CDH4: variants seen among roughly 807,000 people sequenced by gnomAD.
The protein encoded by CDH4 is cadherin-4.
In CDH4, 33 loss-of-function variants were observed where a neutral mutation model predicts 86.0. The ratio of observed to expected loss-of-function variants is 0.38; its 90% CI spans 0.29 to 0.51. The LOEUF is 0.51. CDH4 is among the 20% of genes least tolerant of loss of function. CDH4 has a pLI of 0.86. For missense variants in CDH4, 1,114 were observed against 1,307.4 expected, an observed-to-expected ratio of 0.85 and a Z score of 2.28; for synonymous variants, 555 against 549.4, an observed-to-expected ratio of 1.01 and a Z score of -0.14.
chr20:61,773,291 T>G, intron 4 of CDH4, 109 bp downstream of exon 4: 3 of 1,106,854 alleles, frequency 2.7e-6, no homozygotes, highest in South Asian at 1.7e-5. Flanking sequence ...TCTGAGAAGG[T>G]CGCGATTTCA....
At position 61,857,623 on chromosome 20, in the gene CDH4, G is replaced by A. The variant is rs530050098; in HGVS notation, c.877+4725G>A. ...CGTCCACCCAAGCTTCGCCACTTTC[G>A]TCTGCTGCGTTGGGCTTCCCGATGG... On this transcript the variant is annotated intron_variant, in intron 6 of 15. Coordinates refer to ENST00000614565, the MANE Select transcript of CDH4 (RefSeq NM_001794.5). Among the ~76,000 whole-genome samples, 4 of 152,384 alleles carry A rather than the reference G, an allele frequency of 2.6e-5. No individual in the cohort carries two copies. The South Asian group carries it at 6.2e-4, about 24-fold the overall frequency.
At chr20:61,618,354 C>T (rs1328215219) in intron 2 of CDH4, among the ~76,000 whole-genome samples, 2 of 152,056 alleles carry the variant, frequency 1.3e-5, no homozygotes, top group Non-Finnish European at 2.9e-5. Flanking sequence ...CTCTGGGGTC[C>T]CCTTGGCTGA....
chr20:61,556,224 G>A (rs2086176474), intron 2 of CDH4, among the ~76,000 whole-genome samples: 1 of 151,780 alleles, frequency 6.6e-6, no homozygotes. Flanking sequence ...TATCCACCCA[G>A]GGCCAGGATG....
chr20:61,403,980 T>C (rs953073437), intron 2 of CDH4, among the ~76,000 whole-genome samples: 1 of 152,176 alleles, frequency 6.6e-6, no homozygotes, highest in East Asian at 1.9e-4. Context: ...TTAATTATAT[T>C]TTATTGAAGT....
At chr20:61,771,239 ACCTCAGGT>A (rs2088772997) in intron 3 of CDH4, among the ~76,000 whole-genome samples, 1 of 150,892 alleles carries the variant, frequency 6.6e-6, no homozygotes, top group Admixed American at 6.6e-5. Flanking sequence ...CGAACTCCTG[ACCTCAGGT>A]GATCCAGCTG....
chr20:61,828,167 TC>T (rs1409680526), intron 4 of CDH4, among the ~76,000 whole-genome samples: 2 of 152,094 alleles, frequency 1.3e-5, no homozygotes, highest in African/African-American at 4.8e-5. Flanking sequence ...TAGACAATGA[TC>T]ATTAGTGGCT....
At chr20:61,707,994 G>A (rs982348172) in intron 2 of CDH4, among the ~76,000 whole-genome samples, 28 of 152,198 alleles carry the variant, frequency 1.8e-4, no homozygotes, top group African/African-American at 6.5e-4. Flanking sequence ...ACCAGGCTTT[G>A]GAGGGAGAGA....
chr20:61,665,505 C>G (rs1213415905), intron 2 of CDH4, among the ~76,000 whole-genome samples: 2 of 152,228 alleles, frequency 1.3e-5, no homozygotes, highest in Admixed American at 6.5e-5. Context: ...AGAGTGCCTT[C>G]TTTCCCTGGG....
At chr20:61,608,770 C>T (rs2086663179) in intron 2 of CDH4, among the ~76,000 whole-genome samples, 1 of 152,180 alleles carries the variant, frequency 6.6e-6, no homozygotes, top group South Asian at 2.1e-4. Flanking sequence ...GTCACTGCCA[C>T]GGGTATCTGG....
intron 2 of CDH4, among the ~76,000 whole-genome samples, chr20:61,528,950 A>G: frequency 6.6e-6 from 1 of 151,238 alleles, no homozygotes; most frequent in East Asian, 1.9e-4. Context: ...GGAATTAGAC[A>G]TTTTAGAAAG....
chr20:61,534,109 C>CT (rs2085976151), intron 2 of CDH4, among the ~76,000 whole-genome samples: 1 of 152,220 alleles, frequency 6.6e-6, no homozygotes, highest in Middle Eastern at 3.2e-3. Flanking sequence ...TAATCTCACA[C>CT]TTGAATATCA....
At chr20:61,267,959 G>A (rs1189968622) in intron 2 of CDH4, among the ~76,000 whole-genome samples, 1 of 152,254 alleles carries the variant, frequency 6.6e-6, no homozygotes, top group Non-Finnish European at 1.5e-5. Context: ...AGCGGCTGCT[G>A]AGTCTGGCTT....
At chr20:61,723,387 G>GCAGCTGCC (rs1568778369) in intron 2 of CDH4, among the ~76,000 whole-genome samples, 3 of 152,180 alleles carry the variant, frequency 2.0e-5, no homozygotes, top group African/African-American at 4.8e-5. Flanking sequence ...GGCAAGCAGT[G>GCAGCTGCC]CAGCTGCCGT....
intron 4 of CDH4, among the ~76,000 whole-genome samples, chr20:61,786,337 G>A (rs1019107928): frequency 6.6e-6 from 1 of 152,080 alleles, no homozygotes; most frequent in Non-Finnish European, 1.5e-5. Flanking sequence ...AGATGAACAC[G>A]ATCGCCCTGC....
At chr20:61,826,466 C>G (rs951162037) in intron 4 of CDH4, among the ~76,000 whole-genome samples, 10 of 152,330 alleles carry the variant, frequency 6.6e-5, no homozygotes, top group Admixed American at 2.6e-4. Flanking sequence ...TGCTGATGCC[C>G]TTATGGAAAA....
chr20:61,679,283 T>A (rs1017273775), intron 2 of CDH4, among the ~76,000 whole-genome samples: 1 of 152,210 alleles, frequency 6.6e-6, no homozygotes, highest in African/African-American at 2.4e-5. Flanking sequence ...TCCAGCTTTT[T>A]TGCAGCATAG....
intron 4 of CDH4, among the ~76,000 whole-genome samples, chr20:61,805,990 G>A (rs1298565298): frequency 2.6e-5 from 4 of 152,238 alleles, no homozygotes; most frequent in Admixed American, 1.3e-4. Context: ...TGGGAGGTGG[G>A]TGCTTGGGGC....
At position 61,271,172 on chromosome 20, in the gene CDH4, G is replaced by C. The variant is rs931802862; in HGVS notation, c.169+16235G>C. ...TCCAGGGTTTTAAAGGGATGGACTG[G>C]GGGGCTGGGAGAATAAGGACTTCTT... On this transcript the variant is annotated intron_variant, in intron 2 of 15. Coordinates refer to ENST00000614565, the MANE Select transcript of CDH4 (RefSeq NM_001794.5). 3.3e-5 allele frequency among the ~76,000 whole-genome samples: 5 copies of C among 152,246 alleles called. No homozygotes were observed. The Middle Eastern group carries it at 0.01, about 311-fold the overall frequency.
At chr20:61,624,330 A>G (rs2086808363) in intron 2 of CDH4, among the ~76,000 whole-genome samples, 1 of 152,226 alleles carries the variant, frequency 6.6e-6, no homozygotes, top group Non-Finnish European at 1.5e-5. Flanking sequence ...AGCCATAGCA[A>G]TGACTGTTGG....
Sources: allele counts gnomAD v4.1 joint callset (sites outside exome capture counted in the v4.1 genomes callset), GRCh38; gene constraint gnomAD v4.1.1; transcripts MANE v1.5; gene names NCBI Gene and HGNC (gene_info 2026-07-23, HGNC 2026-07-21).